SLC2A13: variants seen among roughly 807,000 people sequenced by gnomAD.
The protein encoded by SLC2A13 is proton myo-inositol cotransporter.
In SLC2A13, 32 loss-of-function variants were observed where a neutral mutation model predicts 64.4. The observed-to-expected ratio is 0.50, with a 90% CI of 0.37 to 0.67. The LOEUF (loss-of-function observed/expected upper bound fraction) is 0.67, where lower values mean the gene tolerates loss of function less well. Ranked by LOEUF, SLC2A13 falls within the 30% of genes least tolerant of loss-of-function variation. The probability of loss-of-function intolerance (pLI) is 0.00; values close to 1 mark genes in which losing one functional copy is unlikely to be tolerated. For synonymous variants in SLC2A13, 338 were observed against 327.1 expected, an observed-to-expected ratio of 1.03 and a Z score of -0.36; for missense variants, 743 against 829.2, an observed-to-expected ratio of 0.90 and a Z score of 1.28.
At chr12:40,065,580 C>T (rs1937688963) in intron 1 of SLC2A13, among the ~76,000 whole-genome samples, 1 of 149,852 alleles carries the variant, frequency 6.7e-6, no homozygotes, top group African/African-American at 2.4e-5. Context: ...ATGAGACTGT[C>T]TCAAACAAAC....
At chr12:39,971,483 C>A (rs1946645003) in intron 3 of SLC2A13, among the ~76,000 whole-genome samples, 2 of 152,116 alleles carry the variant, frequency 1.3e-5, no homozygotes, top group African/African-American at 4.8e-5. Context: ...TTAACCATAA[C>A]CTGTTTCCAT....
chr12:39,783,203 T>A (rs1197817678), intron 7 of SLC2A13, among the ~76,000 whole-genome samples: 1 of 152,218 alleles, frequency 6.6e-6, no homozygotes, highest in Non-Finnish European at 1.5e-5. Context: ...CATGAACTCA[T>A]CCTTTTTTAT....
intron 4 of SLC2A13, among the ~76,000 whole-genome samples, chr12:39,902,953 G>C (rs997610944): frequency 3.3e-5 from 5 of 152,008 alleles, no homozygotes; most frequent in African/African-American, 4.8e-5. Context: ...TGTTGACTAC[G>C]TTCCAGGAAA....
intron 7 of SLC2A13, among the ~76,000 whole-genome samples, chr12:39,829,148 A>T (rs541015037): frequency 5.4e-4 from 82 of 152,150 alleles, no homozygotes; most frequent in African/African-American, 1.9e-3. Context: ...TAACATTTAC[A>T]CATTTTATAT....
intron 1 of SLC2A13, among the ~76,000 whole-genome samples, chr12:40,078,751 C>T (rs1291579109): frequency 6.6e-6 from 1 of 152,114 alleles, no homozygotes; most frequent in Admixed American, 6.5e-5. Flanking sequence ...AGCTGTAAAT[C>T]CCTCTGGTCC....
At chr12:39,785,117 TC>T (rs899962198) in intron 7 of SLC2A13, among the ~76,000 whole-genome samples, 1 of 152,100 alleles carries the variant, frequency 6.6e-6, no homozygotes, top group African/African-American at 2.4e-5. Flanking sequence ...CTAATGTGAA[TC>T]CCCAAGACCA....
intron 7 of SLC2A13, among the ~76,000 whole-genome samples, chr12:39,810,667 A>G (rs1013846135): frequency 6.6e-6 from 1 of 152,132 alleles, no homozygotes; most frequent in Non-Finnish European, 1.5e-5. Context: ...CAGCCTTCTG[A>G]GAGTTTTTAT....
chr12:39,799,619 C>G (rs1769073482), intron 7 of SLC2A13, among the ~76,000 whole-genome samples: 1 of 152,116 alleles, frequency 6.6e-6, no homozygotes, highest in Non-Finnish European at 1.5e-5. Flanking sequence ...AGCTAAAAAC[C>G]TGGTCAAAAA....
chr12:40,015,605 C>T, intron 3 of SLC2A13, among the ~76,000 whole-genome samples: 1 of 152,190 alleles, frequency 6.6e-6, no homozygotes. Flanking sequence ...TTTCTAACCC[C>T]AGGCTTCCAA....
chr12:40,056,003 A>G (rs952273132), intron 1 of SLC2A13, among the ~76,000 whole-genome samples: 5 of 151,762 alleles, frequency 3.3e-5, no homozygotes, highest in African/African-American at 1.2e-4. Context: ...AAAAAAAACA[A>G]AACAAACAAC....
chr12:40,020,669 T>A (rs1009280239), intron 3 of SLC2A13, among the ~76,000 whole-genome samples: 1 of 151,976 alleles, frequency 6.6e-6, no homozygotes, highest in Non-Finnish European at 1.5e-5. Flanking sequence ...TCCTGTGCCT[T>A]CCCCTTTGAG....
intron 1 of SLC2A13, among the ~76,000 whole-genome samples, chr12:40,062,500 GA>G: frequency 6.6e-6 from 1 of 151,918 alleles, no homozygotes; most frequent in East Asian, 1.9e-4. Context: ...ATATATATCT[GA>G]GGACTATCAG....
intron 2 of SLC2A13, among the ~76,000 whole-genome samples, chr12:40,038,989 G>A (rs1948037249): frequency 6.6e-6 from 1 of 151,710 alleles, no homozygotes; most frequent in Non-Finnish European, 1.5e-5. Context: ...TTTTTATTGT[G>A]GTAAAATATA....
At chr12:39,887,873 G>T (rs1389569386) in intron 4 of SLC2A13, among the ~76,000 whole-genome samples, 2 of 152,142 alleles carry the variant, frequency 1.3e-5, no homozygotes, top group Non-Finnish European at 2.9e-5. Flanking sequence ...GATTCAATAA[G>T]GCAGGAGTGG....
Position 39,764,746 on chromosome 12 carries a change from AG to A in SLC2A13, c.1557del (p.Phe520LeufsTer12). 6.2e-7 allele frequency: 1 copy of A among 1,612,464 alleles called. No homozygotes were observed. Among genetic ancestry groups the A allele is most frequent in the Non-Finnish European group, 8.5e-7 (1 of 1,179,252 alleles). ...ALLGLILYLV[F>X]FAPGMGPMPW... ...CAAAGTCTTTGTTTACCAGGTGCAA[AG>A]AAGACAAGATATAAAATAAGGCCCA... On this transcript the variant is annotated frameshift_variant, in exon 8 of 10. Transcript: ENST00000280871. LOFTEE classifies it high-confidence loss of function.
At chr12:40,047,186 G>C (rs954429713) in intron 2 of SLC2A13, among the ~76,000 whole-genome samples, 1 of 152,140 alleles carries the variant, frequency 6.6e-6, no homozygotes, top group African/African-American at 2.4e-5. Context: ...ACAGGCGTGA[G>C]CCACCACACC....
At chr12:39,964,024 C>A (rs968096512) in intron 3 of SLC2A13, among the ~76,000 whole-genome samples, 1 of 152,254 alleles carries the variant, frequency 6.6e-6, no homozygotes, top group Middle Eastern at 3.4e-3. Flanking sequence ...AGTATGACTA[C>A]TGCAAACATA....
At chr12:40,032,891 G>A (rs1434282477) in intron 2 of SLC2A13, among the ~76,000 whole-genome samples, 1 of 152,090 alleles carries the variant, frequency 6.6e-6, no homozygotes, top group African/African-American at 2.4e-5. Context: ...CTGCTCTTTC[G>A]TAGTTCCAGA....
intron 7 of SLC2A13, among the ~76,000 whole-genome samples, chr12:39,809,176 T>C (rs1164079893): frequency 1.3e-5 from 2 of 152,184 alleles, no homozygotes; most frequent in East Asian, 3.8e-4. Context: ...AAGACTATTC[T>C]TTCCCCATTG....
Sources: allele counts gnomAD v4.1 joint callset (sites outside exome capture counted in the v4.1 genomes callset), GRCh38; gene constraint gnomAD v4.1.1; transcripts MANE v1.5; gene names NCBI Gene and HGNC (gene_info 2026-07-23, HGNC 2026-07-21).